The following TLN2 variants were observed in gnomAD, a reference collection of about 807,000 sequenced individuals.
The protein encoded by TLN2 is talin 2.
Under a neutral mutation model 294.7 loss-of-function variants are expected in TLN2, and 118 were observed. The ratio of observed to expected loss-of-function variants is 0.40; its 90% CI spans 0.34 to 0.47. The LOEUF (loss-of-function observed/expected upper bound fraction) is 0.47, where lower values mean the gene tolerates loss of function less well. Among genes scored for constraint, TLN2 ranks in the 20% least tolerant of loss-of-function variants. The probability of loss-of-function intolerance (pLI) is 0.84; values close to 1 mark genes in which losing one functional copy is unlikely to be tolerated. For synonymous variants in TLN2, 1,431 were observed against 1,304.5 expected (o/e 1.10, Z -2.09); for missense variants, 3,083 against 3,282.2 (o/e 0.94, Z 1.48).
chr15:62,682,073 C>G (rs367765589), intron 11 of TLN2, among the ~76,000 whole-genome samples: 1 of 152,152 alleles, frequency 6.6e-6, no homozygotes, highest in Non-Finnish European at 1.5e-5. Flanking sequence ...TTTAGATGAT[C>G]CCAGTCACTG....
Position 62,812,011 on chromosome 15 carries a change from C to CAATAAATAAATAAATA in TLN2, c.6771+2010_6771+2025dup, listed in dbSNP as rs59386081. On this transcript the variant is annotated intron_variant, in intron 52 of 58. Transcript: ENST00000636159. ...TGGGTGACAAAGCAAGACTCCATCTCAATAAATAAATAAATAAATAAATAA... is the reference window on the plus strand; with the variant it reads ...TGGGTGACAAAGCAAGACTCCATCTCAATAAATAAATAAATAAATAAATAAATAAATAAATAAATAA... Among the ~76,000 whole-genome samples the CAATAAATAAATAAATA allele has an allele frequency of 4.5e-3, 586 of 130,720 alleles. 8 individuals carry two copies. Among genetic ancestry groups the CAATAAATAAATAAATA allele is most frequent in the African/African-American group, 0.012 (424 of 34,036 alleles). 85.8% of individuals were successfully genotyped at this position (130,720 alleles called of 152,430 possible).
chr15:62,735,079 T>C (rs1878786), intron 28 of TLN2, among the ~76,000 whole-genome samples: 58,116 of 152,176 alleles, frequency 0.38, 11,749 homozygotes, highest in East Asian at 0.51. Flanking sequence ...AGTTCTCTAC[T>C]GCAAAGAGCA....
At chr15:62,834,595 C>T (rs963698066) in intron 55 of TLN2, 1 of 152,112 alleles carries the variant, frequency 6.6e-6, no homozygotes, top group Non-Finnish European at 1.5e-5. Flanking sequence ...CTTTCTAAAC[C>T]ATTGTGTTGT....
At chr15:62,453,500 T>TA (rs1447532614) in intron 1 of TLN2, 1 of 152,190 alleles carries the variant, frequency 6.6e-6, no homozygotes, top group Non-Finnish European at 1.5e-5. Context: ...CTTGAAGAGT[T>TA]ACCCAGATCC....
chr15:62,836,330 C>G (rs2069575108), intron 57 of TLN2, among the ~76,000 whole-genome samples: 1 of 152,278 alleles, frequency 6.6e-6, no homozygotes, highest in Non-Finnish European at 1.5e-5. Flanking sequence ...CAGACCCCTA[C>G]TTGTCCTTTG....
At chr15:62,465,962 A>C (rs1207042779) in intron 1 of TLN2, among the ~76,000 whole-genome samples, 1 of 152,106 alleles carries the variant, frequency 6.6e-6, no homozygotes, top group African/African-American at 2.4e-5. Context: ...ATTCCTGTGG[A>C]GTAGGAGGTC....
chr15:62,439,571 C>T (rs1366653995), intron 1 of TLN2, among the ~76,000 whole-genome samples: 1 of 152,176 alleles, frequency 6.6e-6, no homozygotes, highest in Non-Finnish European at 1.5e-5. Context: ...CCTTGGCCTC[C>T]CAAAGTGCTT....
At chr15:62,664,666 C>T (rs1046076710) in intron 9 of TLN2, among the ~76,000 whole-genome samples, 2 of 151,758 alleles carry the variant, frequency 1.3e-5, no homozygotes, top group African/African-American at 2.4e-5. Flanking sequence ...CGAAACCAGC[C>T]TGACAAACAT....
At chr15:62,729,078 A>C (rs2060583793) in intron 28 of TLN2, among the ~76,000 whole-genome samples, 2 of 152,158 alleles carry the variant, frequency 1.3e-5, no homozygotes, top group Admixed American at 1.3e-4. Context: ...TTGACCCAGC[A>C]CCACTGATTG....
chr15:62,739,804 T>C (rs2061220970), intron 31 of TLN2, among the ~76,000 whole-genome samples: 1 of 152,194 alleles, frequency 6.6e-6, no homozygotes, highest in African/African-American at 2.4e-5. Flanking sequence ...ATAGTCTTAC[T>C]ATTTGGAGGG....
chr15:62,400,662 T>C (rs2032948710), intron 1 of TLN2, among the ~76,000 whole-genome samples: 1 of 152,198 alleles, frequency 6.6e-6, no homozygotes, highest in Non-Finnish European at 1.5e-5. Flanking sequence ...GTGAAGGGCA[T>C]TGAGAATAAT....
chr15:62,503,928 C>G (rs2039443633), intron 1 of TLN2, among the ~76,000 whole-genome samples: 1 of 152,136 alleles, frequency 6.6e-6, no homozygotes. Context: ...ATCAAAGACC[C>G]TGGAATCTCA....
At chr15:62,633,401 G>A (rs774304446) in intron 3 of TLN2, among the ~76,000 whole-genome samples, 5 of 152,122 alleles carry the variant, frequency 3.3e-5, no homozygotes, top group African/African-American at 9.7e-5. Flanking sequence ...AGCTTAAACC[G>A]TCCTCCTACC....
chr15:62,603,648 G>C (rs1021832583), intron 2 of TLN2, among the ~76,000 whole-genome samples: 3 of 152,044 alleles, frequency 2.0e-5, no homozygotes. Context: ...ATGTATATAC[G>C]AGGTGACTCC....
At chr15:62,694,513 T>C in intron 14 of TLN2, 121 bp downstream of exon 14, 2 of 743,512 alleles carry the variant, frequency 2.7e-6, no homozygotes, top group Non-Finnish European at 4.5e-6. Context: ...GCAGATGATA[T>C]AGTTGAATCT....
At chr15:62,531,673 A>T (rs2041051832) in intron 1 of TLN2, among the ~76,000 whole-genome samples, 1 of 152,220 alleles carries the variant, frequency 6.6e-6, no homozygotes, top group Non-Finnish European at 1.5e-5. Context: ...GTAATTTGTC[A>T]ATTTAGAATT....
intron 21 of TLN2, 27 bp from the exon 22 acceptor site, chr15:62,711,884 G>T: frequency 6.3e-7 from 1 of 1,586,470 alleles, no homozygotes; most frequent in South Asian, 1.1e-5. Context: ...CAGACAAACA[G>T]ACCTCATCCT....
At chr15:62,542,834 G>C (rs2041774566) in intron 1 of TLN2, among the ~76,000 whole-genome samples, 1 of 151,950 alleles carries the variant, frequency 6.6e-6, no homozygotes, top group African/African-American at 2.4e-5. Context: ...CCTTACGAAT[G>C]AACGCCACAT....
intron 28 of TLN2, among the ~76,000 whole-genome samples, chr15:62,731,252 A>ATAGCCTG (rs2043474745): frequency 6.6e-6 from 1 of 150,410 alleles, no homozygotes; most frequent in Admixed American, 6.6e-5. Flanking sequence ...TAATATCTGG[A>ATAGCCTG]TAGCCTGTAG....
Sources: allele counts gnomAD v4.1 joint callset (sites outside exome capture counted in the v4.1 genomes callset), GRCh38; gene constraint gnomAD v4.1.1; transcripts MANE v1.5; gene names NCBI Gene and HGNC (gene_info 2026-07-23, HGNC 2026-07-21).